Variants in CACNA1S observed in about 807,000 individuals in gnomAD.
CACNA1S encodes calcium voltage-gated channel subunit alpha1 S.
Under a neutral mutation model 207.4 loss-of-function variants are expected in CACNA1S, and 126 were observed. The observed-to-expected ratio is 0.61, with a 90% CI of 0.53 to 0.70. The LOEUF (loss-of-function observed/expected upper bound fraction) is 0.70, where lower values mean the gene tolerates loss of function less well. CACNA1S is among the 30% of genes least tolerant of loss of function. The probability of loss-of-function intolerance (pLI) is 0.00; values close to 1 mark genes in which losing one functional copy is unlikely to be tolerated. For synonymous variants in CACNA1S, 960 were observed against 932.7 expected, an observed-to-expected ratio of 1.03 and a Z score of -0.53; for missense variants, 2,349 against 2,422.8, an observed-to-expected ratio of 0.97 and a Z score of 0.64.
At chr1:201,093,856 TCA>T in intron 3 of CACNA1S, 24 bp downstream of exon 3, 1 of 1,613,458 alleles carries the variant, frequency 6.2e-7, no homozygotes, top group Non-Finnish European at 8.5e-7. Context: ...GGTCTGACCT[TCA>T]GTCTCCCCAC....
intron 18 of CACNA1S, 92 bp from the exon 19 acceptor site, chr1:201,069,288 C>A: frequency 7.0e-7 from 1 of 1,438,716 alleles, no homozygotes; most frequent in Non-Finnish European, 9.8e-7. Context: ...GCAGTCAGAG[C>A]CATTCTGTGC....
At chr1:201,094,809 C>T (rs1484246247) in intron 2 of CACNA1S, among the ~76,000 whole-genome samples, 6 of 152,138 alleles carry the variant, frequency 3.9e-5, no homozygotes, top group African/African-American at 1.4e-4. Context: ...AGCTCAGCCC[C>T]ACCCTGCAGA....
In CACNA1S at chr1:201,052,539, G is replaced by A. The variant is rs749628635; in HGVS notation, c.3953+18C>T. On this transcript the variant is annotated intron_variant, in intron 32 of 43. Transcript: ENST00000362061. ...ACTGGTCAGCGGGGTAGGGGTGGGG[G>A]TGGCGGGAGACGCGTGCCTGAAGAG... 4 of 1,591,820 alleles carry A rather than the reference G, an allele frequency of 2.5e-6. No homozygotes were observed. Among genetic ancestry groups the A allele is most frequent in the Admixed American group, 3.3e-5 (2 of 59,972 alleles).
chr1:201,101,478 C>T (rs762724072), intron 2 of CACNA1S, among the ~76,000 whole-genome samples: 26 of 152,208 alleles, frequency 1.7e-4, no homozygotes, highest in South Asian at 6.2e-4. Flanking sequence ...AAAAGTAAAA[C>T]GTTTAGCAAC....
At chr1:201,099,587 G>A (rs1419556540) in intron 2 of CACNA1S, among the ~76,000 whole-genome samples, 1 of 152,202 alleles carries the variant, frequency 6.6e-6, no homozygotes, top group Non-Finnish European at 1.5e-5. Flanking sequence ...CTGCATGGAG[G>A]CAAGGTGGAT....
chr1:201,068,278 C>T (rs115692456), intron 19 of CACNA1S, among the ~76,000 whole-genome samples: 4,165 of 116,466 alleles, frequency 0.036, 115 homozygotes, highest in Middle Eastern at 0.048. Context: ...GAGTCTCTCT[C>T]GTCACCCAGG....
In CACNA1S at chr1:201,112,171, C is replaced by T. The variant is rs113558244; in HGVS notation, c.152+17G>A. ...ATGACGCACACCCCCCCCCACGGCC[C>T]GGGCCCTGAAGGATACTTCCATTCT... On this transcript the variant is annotated intron_variant, in intron 1 of 43. Coordinates refer to ENST00000362061, the MANE Select transcript of CACNA1S (RefSeq NM_000069.3). The T allele has an allele frequency of 2.9e-5, 47 of 1,609,552 alleles. No individual in the cohort carries two copies. The highest frequency in any genetic ancestry group is 2.8e-4 in the Admixed American group (17 of 59,930).
At chr1:201,088,850 G>A (rs770662823) in intron 6 of CACNA1S, among the ~76,000 whole-genome samples, 1 of 152,140 alleles carries the variant, frequency 6.6e-6, no homozygotes, top group Non-Finnish European at 1.5e-5. Context: ...TATTTTATAG[G>A]TGAGGAAACT....
Position 201,053,337 on chromosome 1 carries a change from C to G in CACNA1S, c.3796-63G>C. On this transcript the variant is annotated intron_variant, in intron 30 of 43. Coordinates refer to ENST00000362061, the MANE Select transcript of CACNA1S (RefSeq NM_000069.3). The surrounding 1 kb of genome is among the most constrained non-coding windows in gnomAD (Gnocchi z 5.1). ...GCTCCACTGTGTGTCTGCAGCCCTG[C>G]CCTCTGTTAGCTCCCCAGGGCTCTG... 18 of 1,609,432 alleles carry G rather than the reference C, an allele frequency of 1.1e-5. No homozygotes were observed. Among genetic ancestry groups the G allele is most frequent in the Non-Finnish European group, 1.4e-5 (17 of 1,176,114 alleles).
chr1:201,077,277 G>A (rs967307325), intron 11 of CACNA1S, 150 bp from the exon 12 acceptor site: 3 of 686,824 alleles, frequency 4.4e-6, no homozygotes, highest in Non-Finnish European at 5.3e-6. Flanking sequence ...ATTCATGGCT[G>A]CATGCCCACT....
At position 201,066,794 on chromosome 1, in the gene CACNA1S, G is replaced by A. The variant is rs1314077536; in HGVS notation, c.2657+93C>T. On this transcript the variant is annotated intron_variant, in intron 20 of 43. Coordinates refer to ENST00000362061, the MANE Select transcript of CACNA1S (RefSeq NM_000069.3). This position sits in a 1 kb window ranked among gnomAD's most constrained non-coding sequence, Gnocchi z 4.3. ...CCGAGAGACCCTCCTCTTGTGGCAG[G>A]GGCCCACCAACATGGGTGGGACTCC... The A allele has an allele frequency of 2.2e-6, 2 of 916,590 alleles. No homozygotes were observed. The highest frequency in any genetic ancestry group is 3.5e-6 in the Non-Finnish European group (2 of 569,716). The allele number at this position is 916,590 out of a possible 1,614,324, so 56.8% of individuals were successfully genotyped here.
chr1:201,108,776 C>A (rs1205450383), intron 2 of CACNA1S, among the ~76,000 whole-genome samples: 1 of 152,156 alleles, frequency 6.6e-6, no homozygotes, highest in Non-Finnish European at 1.5e-5. Context: ...GCCCTGGACA[C>A]ATGCAAATAT....
intron 3 of CACNA1S, among the ~76,000 whole-genome samples, chr1:201,093,194 T>C (rs1662301348): frequency 6.6e-6 from 1 of 152,230 alleles, no homozygotes; most frequent in Non-Finnish European, 1.5e-5. Context: ...TGGTTGTATT[T>C]GGAGACAGGG....
chr1:201,046,915 G>A (rs541920090), intron 38 of CACNA1S, among the ~76,000 whole-genome samples, 200 bp downstream of exon 38: 6 of 152,288 alleles, frequency 3.9e-5, no homozygotes, highest in South Asian at 2.1e-4. Flanking sequence ...GAGATGAAGC[G>A]CCCTGGTTCT....
intron 41 of CACNA1S, among the ~76,000 whole-genome samples, chr1:201,041,079 T>A (rs1660166486): frequency 6.6e-6 from 1 of 152,212 alleles, no homozygotes; most frequent in Admixed American, 6.5e-5. Flanking sequence ...TTGGGGCTCC[T>A]ACTGTCACAC....
At chr1:201,042,988 C>T in intron 40 of CACNA1S, 1 of 407,092 alleles carries the variant, frequency 2.5e-6, no homozygotes, top group Non-Finnish European at 4.6e-6. Context: ...CTCTCCTAAC[C>T]TATCATGTGT....
chr1:201,074,962 C>A (rs993693203), intron 13 of CACNA1S, among the ~76,000 whole-genome samples: 11 of 152,218 alleles, frequency 7.2e-5, no homozygotes, highest in African/African-American at 2.7e-4. Context: ...TTCCTCCCCA[C>A]TCCCCATAGT....
In CACNA1S at chr1:201,077,853, G is replaced by A. The variant is rs528617677; in HGVS notation, c.1619+26C>T. On this transcript the variant is annotated intron_variant, in intron 11 of 43. Transcript: ENST00000362061. ...CCCGTGGTGCCTGCCGGGGACCCGG[G>A]AGTGCCAGCCGACCCCGGCACTCAC... The A allele has an allele frequency of 7.3e-5, 115 of 1,564,948 alleles. 1 individual carries two copies. The South Asian group carries it at 1.1e-3, about 15-fold the overall frequency.
intron 40 of CACNA1S, chr1:201,042,834 G>A (rs991511287): frequency 2.2e-4 from 40 of 180,314 alleles, no homozygotes; most frequent in African/African-American, 8.1e-4. Context: ...TGACACTTAC[G>A]TAATCACAGA....
Sources: gnomAD v4.1 joint callset for allele counts (sites outside exome capture counted in the v4.1 genomes callset) on GRCh38, gnomAD v4.1.1 for gene constraint, Gnocchi (gnomAD v3.1) non-coding constraint, MANE v1.5 for transcripts, NCBI Gene and HGNC (gene_info 2026-07-23, HGNC 2026-07-21) for gene names.